Variants in PCDHGA3 observed in about 807,000 individuals in gnomAD.
The protein encoded by PCDHGA3 is protocadherin gamma-A3.
Under a neutral mutation model 58.5 loss-of-function variants are expected in PCDHGA3, and 40 were observed. That is an observed-to-expected ratio of 0.68 (90% CI 0.53 to 0.89). PCDHGA3 has a LOEUF of 0.89. Among genes scored for constraint, PCDHGA3 ranks in the 40% least tolerant of loss-of-function variants. PCDHGA3 has a pLI of 0.00. For synonymous variants in PCDHGA3, 530 were observed against 525.7 expected (o/e 1.01, Z -0.11); for missense variants, 1,223 against 1,195.9 (o/e 1.02, Z -0.33).
At chr5:141,360,583 A>G (rs769168418) in intron 1 of PCDHGA3, 1 of 1,614,004 alleles carries the variant, frequency 6.2e-7, no homozygotes, top group South Asian at 1.1e-5. Context: ...TAAGCCAGGT[A>G]CAACATTTCC....
Position 141,476,102 on chromosome 5 carries a change from C to G in PCDHGA3, c.2425-18705C>G, listed in dbSNP as rs1488747783. The G allele has an allele frequency of 1.3e-6, 2 of 1,576,940 alleles. No homozygotes were observed. Among genetic ancestry groups the G allele is most frequent in the African/African-American group, 2.7e-5 (2 of 73,926 alleles). ...ACGATCTGGACCCCGCTGAGAGGAA[C>G]TGCTTTTGAGTGAGATGGTCCCAGA... On this transcript the variant is annotated intron_variant, in intron 1 of 3. Transcript: ENST00000253812. The surrounding 1 kb of genome is among the most constrained non-coding windows in gnomAD (Gnocchi z 7.6).
At chr5:141,455,686 G>A (rs1282071031) in intron 1 of PCDHGA3, among the ~76,000 whole-genome samples, 1 of 152,094 alleles carries the variant, frequency 6.6e-6, no homozygotes. Context: ...AAGGCTGTGG[G>A]AATCGCCAAG....
At position 141,395,537 on chromosome 5, in the gene PCDHGA3, A is replaced by T. The variant is rs946783125; in HGVS notation, c.2424+49080A>T. 3.3e-5 allele frequency: 8 copies of T among 243,972 alleles called. No homozygotes were observed. In the African/African-American group the frequency reaches 3.8e-4, roughly 12 times the overall value. 15.1% of individuals were successfully genotyped at this position (243,972 alleles called of 1,614,324 possible). On this transcript the variant is annotated intron_variant, in intron 1 of 3. Transcript: ENST00000253812. ...ACCCGTCCATACTGGTAATTTTGCT[A>T]TTGTTTGTGTGTGTGTGTGTGTGTG...
At chr5:141,405,708 C>T (rs1328051668) in intron 1 of PCDHGA3, among the ~76,000 whole-genome samples, 2 of 152,164 alleles carry the variant, frequency 1.3e-5, no homozygotes, top group African/African-American at 4.8e-5. Context: ...GAATTCCTAA[C>T]CTCAAGTGAT....
intron 1 of PCDHGA3, chr5:141,440,987 A>C (rs2098217413): frequency 6.6e-6 from 1 of 152,278 alleles, no homozygotes; most frequent in African/African-American, 2.4e-5. Flanking sequence ...AACCCAGAGT[A>C]CCCATATCTA....
At chr5:141,408,990 AAGTGAC>A (rs769374488) in intron 1 of PCDHGA3, 2 of 1,613,984 alleles carry the variant, frequency 1.2e-6, no homozygotes, top group Non-Finnish European at 1.7e-6. Flanking sequence ...CCTGTGTTGC[AAGTGAC>A]AGCCACTGAC....
At chr5:141,384,243 C>T in intron 1 of PCDHGA3, 1 of 1,613,880 alleles carries the variant, frequency 6.2e-7, no homozygotes, top group Non-Finnish European at 8.5e-7. Context: ...CCAACGATAA[C>T]CCACCCACCT....
rs1193417991 is a variant in PCDHGA3 at position 141,491,413 on chromosome 5, G to T, written c.2425-3394G>T. The T allele has an allele frequency of 6.2e-7, 1 of 1,614,064 alleles. No individual in the cohort carries two copies. Among genetic ancestry groups the T allele is most frequent in the South Asian group, 1.1e-5 (1 of 91,074 alleles). ...CCTTCAGGGAAACGCAGACGGGGAC[G>T]GGGGTGGAGGGCAGTGCTGCAGGCG... On this transcript the variant is annotated intron_variant, in intron 1 of 3. Transcript: ENST00000253812. This position sits in a 1 kb window ranked among gnomAD's most constrained non-coding sequence, Gnocchi z 6.9.
intron 1 of PCDHGA3, among the ~76,000 whole-genome samples, chr5:141,438,579 CATACATACATACATATATATAT>C (rs1356926315): frequency 3.6e-5 from 2 of 55,782 alleles, no homozygotes; most frequent in Non-Finnish European, 6.0e-5. Context: ...GATATACATA[CATACATACATACATATATATAT>C]ATATATATAT....
intron 1 of PCDHGA3, among the ~76,000 whole-genome samples, chr5:141,463,095 G>C (rs1299676667): frequency 6.6e-6 from 1 of 152,098 alleles, no homozygotes; most frequent in African/African-American, 2.4e-5. Context: ...AGCCCTATGT[G>C]ACCATCAAGA....
intron 1 of PCDHGA3, chr5:141,388,314 G>C: frequency 6.2e-7 from 1 of 1,613,824 alleles, no homozygotes; most frequent in Non-Finnish European, 8.5e-7. Context: ...GCAAATAAGT[G>C]AGTCTGCACA....
At position 141,499,506 on chromosome 5, in the gene PCDHGA3, CA is replaced by C. The variant is rs759983739; in HGVS notation, c.2483+4644del. Among the ~76,000 whole-genome samples, 6 of 152,086 alleles carry C rather than the reference CA, an allele frequency of 3.9e-5. No homozygotes were observed. The South Asian group carries it at 1.0e-3, about 26-fold the overall frequency. On this transcript the variant is annotated intron_variant, in intron 2 of 3. Coordinates refer to ENST00000253812, the MANE Select transcript of PCDHGA3 (RefSeq NM_018916.4). Reference sequence around the variant, plus strand: ...AACTACAGTTTAATATGAAACATTTCAAATATGTACAAAAGTAGAGAGAATG... The same window carrying C: ...AACTACAGTTTAATATGAAACATTTCAATATGTACAAAAGTAGAGAGAATG...
At chr5:141,362,420 A>T in intron 1 of PCDHGA3, 1 of 1,614,046 alleles carries the variant, frequency 6.2e-7, no homozygotes, top group Non-Finnish European at 8.5e-7. Context: ...CAATCAGCCA[A>T]GACAGAGTTC....
At chr5:141,481,013 A>G (rs1198627648) in intron 1 of PCDHGA3, among the ~76,000 whole-genome samples, 1 of 152,164 alleles carries the variant, frequency 6.6e-6, no homozygotes, top group Admixed American at 6.5e-5. Context: ...AGCCCAGATC[A>G]CACCACTGCA....
intron 1 of PCDHGA3, chr5:141,424,104 A>G (rs1049098128): frequency 6.2e-6 from 5 of 812,458 alleles, no homozygotes; most frequent in Non-Finnish European, 6.1e-6. Flanking sequence ...ATTACTGCTA[A>G]TGTTCAAATT....
At chr5:141,351,550 C>A (rs1173991946) in intron 1 of PCDHGA3, 3 of 1,613,940 alleles carry the variant, frequency 1.9e-6, no homozygotes, top group Non-Finnish European at 2.5e-6. Flanking sequence ...CCCTTTCCTC[C>A]AGGACAAGCA....
In PCDHGA3 at chr5:141,345,554, C is replaced by G. The variant is rs773101076; in HGVS notation, c.1521C>G (p.Ile507Met). Residue 507 changes from isoleucine (I) to methionine (M), a missense_variant, in exon 1 of 4, where the codon ATC (isoleucine) becomes ATG (methionine). Ile to Met is a conservative substitution (Grantham distance 10). This residue lies in a region of PCDHGA3 where 791 missense variants were observed against 708.5 expected (regional missense o/e 1.12). Coordinates refer to ENST00000253812, the MANE Select transcript of PCDHGA3 (RefSeq NM_018916.4). ...CGCCCCTGTCCTCCTTCGTCTCTAT[C>G]AACTCCAACACTGGCGTCCTATACG... ...QGAPLSSFVS[I>M]NSNTGVLYAL... The G allele has an allele frequency of 1.2e-6, 2 of 1,614,226 alleles. No individual in the cohort carries two copies. Among genetic ancestry groups the G allele is most frequent in the Non-Finnish European group, 1.7e-6 (2 of 1,180,042 alleles).
chr5:141,445,975 G>A (rs1279186740), intron 1 of PCDHGA3, among the ~76,000 whole-genome samples: 1 of 152,124 alleles, frequency 6.6e-6, no homozygotes, highest in Non-Finnish European at 1.5e-5. Flanking sequence ...TGATTTATGA[G>A]GGTTATAAAT....
At chr5:141,450,225 C>A (rs1294362576) in intron 1 of PCDHGA3, among the ~76,000 whole-genome samples, 1 of 151,976 alleles carries the variant, frequency 6.6e-6, no homozygotes, top group Non-Finnish European at 1.5e-5. Flanking sequence ...ACTATGTTGG[C>A]CAGGCTAGTC....
Sources: allele counts gnomAD v4.1 joint callset (sites outside exome capture counted in the v4.1 genomes callset), GRCh38; gene constraint gnomAD v4.1.1; regional missense constraint gnomAD v4.1.1; non-coding constraint Gnocchi (gnomAD v3.1); transcripts MANE v1.5; gene names NCBI Gene and HGNC (gene_info 2026-07-23, HGNC 2026-07-21).